Variants in SHISA9 observed in about 807,000 individuals in gnomAD.
SHISA9 encodes the protein protein shisa-9.
A neutral mutation model predicts 38.0 loss-of-function variants in SHISA9; 13 were observed. The observed-to-expected ratio is 0.34, with a 90% CI of 0.22 to 0.54. The LOEUF (loss-of-function observed/expected upper bound fraction) is 0.54. Ranked by LOEUF, SHISA9 falls within the 20% of genes least tolerant of loss-of-function variation. The probability of loss-of-function intolerance (pLI) is 0.91; values close to 1 mark genes in which losing one functional copy is unlikely to be tolerated. For missense variants in SHISA9, 538 were observed against 575.8 expected (o/e 0.93, Z 0.67); for synonymous variants, 275 against 242.0 (o/e 1.14, Z -1.27).
At chr16:12,976,692 AG>A (rs2072166453) in intron 2 of SHISA9, among the ~76,000 whole-genome samples, 2 of 152,138 alleles carry the variant, frequency 1.3e-5, no homozygotes, top group South Asian at 4.2e-4. Flanking sequence ...TGTGCCTTGC[AG>A]GGGGTAAGTA....
chr16:13,174,973 C>T (rs1298149294), intron 2 of SHISA9, among the ~76,000 whole-genome samples: 3 of 152,152 alleles, frequency 2.0e-5, no homozygotes, highest in African/African-American at 7.2e-5. Flanking sequence ...CAGCACAGGA[C>T]ACAAAAAGAG....
chr16:13,426,976 G>C, the SHISA9 span, among the ~76,000 whole-genome samples: 4 of 152,206 alleles, frequency 2.6e-5, no homozygotes, highest in Admixed American at 2.0e-4. Flanking sequence ...AAATCGGAAA[G>C]GTTTATTTCT....
chr16:13,099,208 C>G (rs1400104586), intron 2 of SHISA9, among the ~76,000 whole-genome samples: 1 of 152,206 alleles, frequency 6.6e-6, no homozygotes, highest in Non-Finnish European at 1.5e-5. Flanking sequence ...ATGACAGGCT[C>G]ACAAGCTTAC....
At chr16:13,344,514 T>C in the SHISA9 span, among the ~76,000 whole-genome samples, 4 of 152,146 alleles carry the variant, frequency 2.6e-5, no homozygotes, top group Non-Finnish European at 5.9e-5. Flanking sequence ...AATTATTTTC[T>C]AAAGATCAGA....
chr16:13,367,653 C>CGG, the SHISA9 span, among the ~76,000 whole-genome samples: 1 of 143,342 alleles, frequency 7.0e-6, no homozygotes, highest in Non-Finnish European at 1.5e-5. Context: ...AAGTAGGATG[C>CGG]GGGGGGGAAT....
At chr16:13,454,614 C>T in the SHISA9 span, among the ~76,000 whole-genome samples, 173 of 152,226 alleles carry the variant, frequency 1.1e-3, no homozygotes, top group African/African-American at 4.0e-3. Flanking sequence ...GACAAAATGG[C>T]GATTCAAATA....
intron 2 of SHISA9, among the ~76,000 whole-genome samples, chr16:13,003,575 C>T (rs745732557): frequency 3.3e-5 from 5 of 152,148 alleles, no homozygotes; most frequent in Non-Finnish European, 7.3e-5. Flanking sequence ...TGATGAGTTA[C>T]AGGCTGGGCT....
the SHISA9 span, among the ~76,000 whole-genome samples, chr16:13,369,423 A>G: frequency 6.6e-6 from 1 of 152,068 alleles, no homozygotes; most frequent in South Asian, 2.1e-4. Context: ...ATAACATTTT[A>G]TAATAATCCA....
intron 2 of SHISA9, among the ~76,000 whole-genome samples, chr16:13,183,373 C>G (rs767253465): frequency 1.3e-5 from 2 of 152,262 alleles, no homozygotes; most frequent in African/African-American, 2.4e-5. Context: ...TGAACACTTT[C>G]ACTGCAAAGT....
chr16:13,086,353 C>CAAA (rs767516512), intron 2 of SHISA9, among the ~76,000 whole-genome samples: 1,952 of 45,402 alleles, frequency 0.043, 42 homozygotes, highest in African/African-American at 0.09. Context: ...GATTCCATCT[C>CAAA]AAAAAAAAAA....
chr16:13,313,825 T>C, the SHISA9 span, among the ~76,000 whole-genome samples: 1 of 152,214 alleles, frequency 6.6e-6, no homozygotes, highest in East Asian at 1.9e-4. Context: ...CATTTTATTT[T>C]TTGTCACAAC....
chr16:12,998,551 A>G (rs1433845333), intron 2 of SHISA9, among the ~76,000 whole-genome samples: 1 of 152,118 alleles, frequency 6.6e-6, no homozygotes, highest in Non-Finnish European at 1.5e-5. Flanking sequence ...TATTTTTGAG[A>G]CAATGTCTCG....
intron 2 of SHISA9, among the ~76,000 whole-genome samples, chr16:13,082,745 T>C (rs2073666552): frequency 6.6e-6 from 1 of 152,170 alleles, no homozygotes; most frequent in Non-Finnish European, 1.5e-5. Context: ...GCAATGAAAG[T>C]ACTCTTTGCA....
At chr16:13,245,978 G>A in the SHISA9 span, among the ~76,000 whole-genome samples, 1 of 152,014 alleles carries the variant, frequency 6.6e-6, no homozygotes, top group African/African-American at 2.4e-5. Context: ...TTCAACACAA[G>A]CTCTCTCCAG....
At chr16:12,904,129 C>G (rs1043421288) in intron 1 of SHISA9, among the ~76,000 whole-genome samples, 1 of 152,118 alleles carries the variant, frequency 6.6e-6, no homozygotes, top group African/African-American at 2.4e-5. Flanking sequence ...TCCGCAACCA[C>G]AGGGTGGCCT....
chr16:13,203,322 TG>T (rs2051024215), intron 2 of SHISA9, 71 bp from the exon 3 acceptor site: 4 of 1,358,694 alleles, frequency 2.9e-6, no homozygotes, highest in Non-Finnish European at 3.8e-6. Context: ...TCTCCAGTGA[TG>T]TGGTGATGGG....
chr16:13,034,051 A>G (rs1389337431), intron 2 of SHISA9, among the ~76,000 whole-genome samples: 1 of 152,004 alleles, frequency 6.6e-6, no homozygotes, highest in Admixed American at 6.6e-5. Context: ...AGGCTGAGGC[A>G]GGAGAGTCGC....
the SHISA9 span, among the ~76,000 whole-genome samples, chr16:13,420,245 C>CAAA: frequency 0.033 from 1,681 of 50,324 alleles, 224 homozygotes; most frequent in Middle Eastern, 0.071. Context: ...GAATCTGTTT[C>CAAA]AAAAAAAAAA....
chr16:13,106,692 T>G (rs1366671509), intron 2 of SHISA9, among the ~76,000 whole-genome samples: 1 of 152,128 alleles, frequency 6.6e-6, no homozygotes, highest in African/African-American at 2.4e-5. Flanking sequence ...GGTGGACATG[T>G]GACCTGGATG....
Sources: allele counts gnomAD v4.1 joint callset (sites outside exome capture counted in the v4.1 genomes callset), GRCh38; gene constraint gnomAD v4.1.1; transcripts MANE v1.5; gene names NCBI Gene and HGNC (gene_info 2026-07-23, HGNC 2026-07-21).